SLC25A26: variants seen among roughly 807,000 people sequenced by gnomAD.
SLC25A26 encodes the protein solute carrier family 25 member 26.
A neutral mutation model predicts 37.8 loss-of-function variants in SLC25A26; 36 were observed. That is an observed-to-expected ratio of 0.95 (90% CI 0.73 to 1.26). The LOEUF is 1.26. Among genes scored for constraint, SLC25A26 ranks in the 50% most tolerant of loss-of-function variants. SLC25A26 has a pLI of 0.00. For missense variants in SLC25A26, 390 were observed against 331.1 expected, an observed-to-expected ratio of 1.18 and a Z score of -1.38; for synonymous variants, 129 against 122.5, an observed-to-expected ratio of 1.05 and a Z score of -0.35.
intron 5 of SLC25A26, among the ~76,000 whole-genome samples, chr3:66,292,353 G>A (rs1015703077): frequency 1.2e-4 from 18 of 151,292 alleles, no homozygotes; most frequent in African/African-American, 2.4e-5. Context: ...ACGATGCTAG[G>A]CAAAATAACC....
At chr3:66,245,150 C>A (rs954746105) in intron 3 of SLC25A26, among the ~76,000 whole-genome samples, 1 of 151,344 alleles carries the variant, frequency 6.6e-6, no homozygotes, top group Non-Finnish European at 1.5e-5. Flanking sequence ...TCATGTAGTC[C>A]TCCTGACTCA....
intron 1 of SLC25A26, among the ~76,000 whole-genome samples, chr3:66,137,095 G>C (rs906876140): frequency 2.0e-5 from 3 of 151,996 alleles, no homozygotes; most frequent in Non-Finnish European, 2.9e-5. Context: ...TAAATAGCTT[G>C]ACTAATAGAT....
chr3:66,294,755 C>A (rs1459374733), intron 5 of SLC25A26, among the ~76,000 whole-genome samples: 1 of 152,160 alleles, frequency 6.6e-6, no homozygotes, highest in African/African-American at 2.4e-5. Context: ...AACACTCTGT[C>A]TACTATGTAG....
At chr3:66,175,140 T>TATATATACACACAC (rs1413714739) in intron 1 of SLC25A26, among the ~76,000 whole-genome samples, 3 of 67,048 alleles carry the variant, frequency 4.5e-5, no homozygotes, top group African/African-American at 1.9e-4. Flanking sequence ...TATATATATA[T>TATATATACACACAC]ACACACACAC....
At chr3:66,201,647 T>G (rs1255450936) in intron 1 of SLC25A26, among the ~76,000 whole-genome samples, 2 of 152,218 alleles carry the variant, frequency 1.3e-5, no homozygotes, top group African/African-American at 2.4e-5. Context: ...GAACCTTTTC[T>G]AGATAGATAG....
At chr3:66,193,061 T>C (rs2070976360) in intron 1 of SLC25A26, among the ~76,000 whole-genome samples, 1 of 152,182 alleles carries the variant, frequency 6.6e-6, no homozygotes, top group Non-Finnish European at 1.5e-5. Flanking sequence ...GGTATGTATA[T>C]ATAGGATTTT....
intron 5 of SLC25A26, among the ~76,000 whole-genome samples, chr3:66,332,050 G>A (rs983997597): frequency 2.6e-5 from 4 of 152,050 alleles, no homozygotes; most frequent in Admixed American, 1.3e-4. Context: ...TCCTGCCTCA[G>A]GCTCTTGAGT....
intron 1 of SLC25A26, among the ~76,000 whole-genome samples, chr3:66,184,469 C>G (rs147401221): frequency 0.04 from 6,034 of 149,542 alleles, 145 homozygotes; most frequent in African/African-American, 0.057. Flanking sequence ...TCACTATGAC[C>G]TTGAAAAGAC....
At chr3:66,303,130 A>G (rs1485119863) in intron 5 of SLC25A26, among the ~76,000 whole-genome samples, 1 of 152,230 alleles carries the variant, frequency 6.6e-6, no homozygotes, top group African/African-American at 2.4e-5. Flanking sequence ...ATCATGGTCT[A>G]GTCACTGTTG....
At chr3:66,244,166 C>G (rs190896873) in intron 3 of SLC25A26, among the ~76,000 whole-genome samples, 65 of 152,122 alleles carry the variant, frequency 4.3e-4, no homozygotes, top group Admixed American at 1.0e-3. Flanking sequence ...GTGATGAAAC[C>G]CTAATACTAA....
intron 2 of SLC25A26, among the ~76,000 whole-genome samples, chr3:66,240,720 T>C (rs36137459): frequency 4.7e-5 from 7 of 150,342 alleles, no homozygotes; most frequent in African/African-American, 1.7e-4. Flanking sequence ...ATTTTATGTA[T>C]TCATGACAGG....
chr3:66,317,998 A>T (rs1355529087), intron 5 of SLC25A26, among the ~76,000 whole-genome samples: 1 of 152,292 alleles, frequency 6.6e-6, no homozygotes, highest in Non-Finnish European at 1.5e-5. Context: ...AGCTGCAGTG[A>T]TGGCGGCTGC....
intron 8 of SLC25A26, 66 bp from the exon 9 acceptor site, chr3:66,370,463 C>G (rs1700286158): frequency 1.6e-6 from 2 of 1,284,682 alleles, no homozygotes; most frequent in Admixed American, 3.7e-5. Flanking sequence ...CTGAGGATAT[C>G]TGAGAGGCAA....
intron 3 of SLC25A26, among the ~76,000 whole-genome samples, chr3:66,261,090 C>A (rs1027562801): frequency 2.0e-5 from 3 of 152,228 alleles, no homozygotes; most frequent in Non-Finnish European, 2.9e-5. Context: ...TGGTCTTGAA[C>A]TCCAGGGCTC....
intron 1 of SLC25A26, among the ~76,000 whole-genome samples, chr3:66,175,151 ACACACACAC>A (rs1349796239): frequency 3.0e-5 from 4 of 134,280 alleles, no homozygotes; most frequent in Non-Finnish European, 6.6e-5. Context: ...ACACACACAC[ACACACACAC>A]ATTATATGTA....
At chr3:66,232,301 G>A (rs2072072012) in intron 1 of SLC25A26, among the ~76,000 whole-genome samples, 1 of 151,798 alleles carries the variant, frequency 6.6e-6, no homozygotes, top group African/African-American at 2.4e-5. Flanking sequence ...ATTTTTGTTA[G>A]TCATTTATAT....
chr3:66,209,353 A>G (rs1296652069), intron 1 of SLC25A26, among the ~76,000 whole-genome samples: 2 of 139,772 alleles, frequency 1.4e-5, no homozygotes, highest in Non-Finnish European at 3.0e-5. Flanking sequence ...ATATGTATAT[A>G]TATCTGTATG....
intron 1 of SLC25A26, among the ~76,000 whole-genome samples, chr3:66,153,811 A>C (rs779851054): frequency 3.3e-5 from 5 of 152,170 alleles, no homozygotes; most frequent in Non-Finnish European, 7.4e-5. Flanking sequence ...CAGCTAGTTC[A>C]CGATCTTGTC....
chr3:66,302,045 GATA>G (rs1214267980), intron 5 of SLC25A26, among the ~76,000 whole-genome samples: 1 of 152,166 alleles, frequency 6.6e-6, no homozygotes, highest in Non-Finnish European at 1.5e-5. Context: ...TTGTTGTGAT[GATA>G]ATGATGATAA....
Sources: gnomAD v4.1 joint callset for allele counts (sites outside exome capture counted in the v4.1 genomes callset) on GRCh38, gnomAD v4.1.1 for gene constraint, MANE v1.5 for transcripts, NCBI Gene and HGNC (gene_info 2026-07-23, HGNC 2026-07-21) for gene names.